The following RBFOX1 variants were observed in gnomAD, a reference collection of about 807,000 sequenced individuals.
RBFOX1 encodes RNA binding protein fox-1 homolog 1.
Under a neutral mutation model 57.7 loss-of-function variants are expected in RBFOX1, and 8 were observed. The observed-to-expected ratio is 0.14, with a 90% CI of 0.08 to 0.25. The LOEUF (loss-of-function observed/expected upper bound fraction) is 0.25, where lower values mean the gene tolerates loss of function less well. Ranked by LOEUF, RBFOX1 falls within the 10% of genes least tolerant of loss-of-function variation. The probability of loss-of-function intolerance (pLI) is 1.00; values close to 1 mark genes in which losing one functional copy is unlikely to be tolerated. For missense variants in RBFOX1, 611 were observed against 548.5 expected (o/e 1.11, Z -1.14); for synonymous variants, 326 against 222.4 (o/e 1.47, Z -4.15).
intron 3 of RBFOX1, among the ~76,000 whole-genome samples, chr16:5,750,027 T>C (rs2053134126): frequency 6.6e-6 from 1 of 152,204 alleles, no homozygotes; most frequent in Non-Finnish European, 1.5e-5. Flanking sequence ...ATGATGGTGA[T>C]GTACAGATGC....
At chr16:6,461,418 A>T (rs138747851) in intron 2 of RBFOX1, among the ~76,000 whole-genome samples, 82 of 152,318 alleles carry the variant, frequency 5.4e-4, no homozygotes, top group African/African-American at 1.9e-3. Context: ...ATGAATTTTG[A>T]GGGCTACTAT....
intron 11 of RBFOX1, among the ~76,000 whole-genome samples, chr16:7,636,420 A>C (rs956060655): frequency 6.6e-6 from 1 of 151,980 alleles, no homozygotes; most frequent in African/African-American, 2.4e-5. Flanking sequence ...GATTTTTCTT[A>C]TTTTATTATC....
At chr16:7,260,586 T>C (rs8044783) in intron 4 of RBFOX1, among the ~76,000 whole-genome samples, 4,428 of 152,252 alleles carry the variant, frequency 0.029, 213 homozygotes, top group African/African-American at 0.1. Context: ...TTATGTGTCA[T>C]GTAGAGACGC....
At chr16:5,517,004 T>C (rs1390365325) in intron 2 of RBFOX1, among the ~76,000 whole-genome samples, 1 of 152,098 alleles carries the variant, frequency 6.6e-6, no homozygotes, top group African/African-American at 2.4e-5. Flanking sequence ...TCCTGTTTTT[T>C]TTTTTTTCAA....
At chr16:7,490,376 G>C (rs867216637) in intron 4 of RBFOX1, among the ~76,000 whole-genome samples, 2 of 152,172 alleles carry the variant, frequency 1.3e-5, no homozygotes, top group African/African-American at 4.8e-5. Flanking sequence ...TAGGTTTGCA[G>C]AATCTCTACT....
intron 3 of RBFOX1, among the ~76,000 whole-genome samples, chr16:7,027,889 AG>A (rs1479253074): frequency 6.6e-6 from 1 of 151,676 alleles, no homozygotes; most frequent in African/African-American, 2.4e-5. Context: ...GAAAAAAAGA[AG>A]GGAGAAGAGA....
At chr16:6,101,205 C>T (rs925371668) in intron 1 of RBFOX1, among the ~76,000 whole-genome samples, 1 of 152,174 alleles carries the variant, frequency 6.6e-6, no homozygotes, top group Non-Finnish European at 1.5e-5. Flanking sequence ...CTGGAGTCTC[C>T]GGACCCACTC....
intron 1 of RBFOX1, among the ~76,000 whole-genome samples, chr16:5,431,444 G>A (rs947864685): frequency 6.6e-6 from 1 of 151,820 alleles, no homozygotes; most frequent in African/African-American, 2.4e-5. Context: ...GCATGATCTC[G>A]GCTCACTACA....
intron 4 of RBFOX1, among the ~76,000 whole-genome samples, chr16:6,008,821 G>A (rs775279887): frequency 5.3e-5 from 8 of 152,190 alleles, no homozygotes; most frequent in Non-Finnish European, 1.0e-4. Flanking sequence ...GGAAAAATGT[G>A]GTTGCTTTTA....
chr16:7,069,938 G>A (rs1171301838), intron 4 of RBFOX1, among the ~76,000 whole-genome samples: 1 of 152,086 alleles, frequency 6.6e-6, no homozygotes, highest in Non-Finnish European at 1.5e-5. Flanking sequence ...TAGTACATTC[G>A]CCATAATGAG....
intron 3 of RBFOX1, among the ~76,000 whole-genome samples, chr16:5,813,461 G>C (rs899382274): frequency 1.3e-5 from 2 of 152,182 alleles, no homozygotes; most frequent in East Asian, 3.9e-4. Context: ...CTATACAATG[G>C]AATATGATTC....
intron 2 of RBFOX1, among the ~76,000 whole-genome samples, chr16:6,427,351 C>G (rs1234995184): frequency 6.6e-6 from 1 of 152,084 alleles, no homozygotes; most frequent in Non-Finnish European, 1.5e-5. Flanking sequence ...ACTCCAGACC[C>G]CAGTCTATAG....
intron 3 of RBFOX1, among the ~76,000 whole-genome samples, chr16:5,828,004 A>G (rs1260857186): frequency 3.6e-5 from 5 of 139,392 alleles, no homozygotes; most frequent in Non-Finnish European, 7.6e-5. Context: ...CAATCCATCC[A>G]TCCATCATCT....
At chr16:7,442,760 G>A (rs531038226) in intron 4 of RBFOX1, among the ~76,000 whole-genome samples, 1 of 152,280 alleles carries the variant, frequency 6.6e-6, no homozygotes, top group South Asian at 2.1e-4. Context: ...GTTGCTAATA[G>A]AAACCATGGC....
chr16:6,234,784 C>G (rs2097492208), intron 1 of RBFOX1, among the ~76,000 whole-genome samples: 1 of 151,958 alleles, frequency 6.6e-6, no homozygotes, highest in Non-Finnish European at 1.5e-5. Context: ...TATACATACA[C>G]ATGAACCACA....
chr16:6,725,386 A>G (rs1244596091), intron 3 of RBFOX1, among the ~76,000 whole-genome samples: 2 of 151,976 alleles, frequency 1.3e-5, no homozygotes, highest in African/African-American at 2.4e-5. Context: ...CTTTTTACCA[A>G]CGAGGTCTTT....
chr16:6,596,439 T>C (rs2097777284), intron 2 of RBFOX1, among the ~76,000 whole-genome samples: 1 of 152,228 alleles, frequency 6.6e-6, no homozygotes, highest in Non-Finnish European at 1.5e-5. Context: ...AGTTGTTTAA[T>C]TGTAGAATGT....
At chr16:7,482,894 G>A (rs574691998) in intron 4 of RBFOX1, among the ~76,000 whole-genome samples, 1 of 152,056 alleles carries the variant, frequency 6.6e-6, no homozygotes, top group Admixed American at 6.5e-5. Flanking sequence ...ACTGAGAGGG[G>A]GGCAGCTTTT....
chr16:6,803,674 A>C (rs1315085653), intron 3 of RBFOX1, among the ~76,000 whole-genome samples: 1 of 152,196 alleles, frequency 6.6e-6, no homozygotes, highest in African/African-American at 2.4e-5. Context: ...CTCCCTGAAC[A>C]AATATGCAGA....
Sources: allele counts gnomAD v4.1 joint callset (sites outside exome capture counted in the v4.1 genomes callset), GRCh38; gene constraint gnomAD v4.1.1; transcripts MANE v1.5; gene names NCBI Gene and HGNC (gene_info 2026-07-23, HGNC 2026-07-21).